Variants in RPGRIP1 observed in about 807,000 individuals in gnomAD.
RPGRIP1 encodes X-linked retinitis pigmentosa GTPase regulator-interacting protein 1.
Under a neutral mutation model 157.9 loss-of-function variants are expected in RPGRIP1, and 128 were observed. The observed-to-expected ratio is 0.81, with a 90% CI of 0.70 to 0.94. The LOEUF is 0.94. Ranked by LOEUF, RPGRIP1 falls within the 40% of genes least tolerant of loss-of-function variation. The probability of loss-of-function intolerance (pLI) is 0.00; values close to 1 mark genes in which losing one functional copy is unlikely to be tolerated. For synonymous variants in RPGRIP1, 554 were observed against 571.6 expected, an observed-to-expected ratio of 0.97 and a Z score of 0.44; for missense variants, 1,486 against 1,545.8, an observed-to-expected ratio of 0.96 and a Z score of 0.65.
chr14:21,287,341 C>G (rs955228848), intron 1 of RPGRIP1, among the ~76,000 whole-genome samples: 2 of 152,156 alleles, frequency 1.3e-5, no homozygotes, highest in Non-Finnish European at 2.9e-5. Flanking sequence ...TGAGGCAACT[C>G]TATAGACAGG....
At chr14:21,317,925 A>G (rs1881940660) in intron 11 of RPGRIP1, 75 bp downstream of exon 11, 2 of 1,310,868 alleles carry the variant, frequency 1.5e-6, no homozygotes, top group Admixed American at 4.4e-5. Flanking sequence ...AACTTGAGCC[A>G]TCATTTCTTT....
Position 21,325,828 on chromosome 14 carries a change from C to T in RPGRIP1, c.2368-3C>T, listed in dbSNP as rs763368258. ...CCTCAATCCATGACCAACATCTTTCCAGTTCAGATCGGAGTCTTGGGAACC... is the reference window on the plus strand; with the variant it reads ...CCTCAATCCATGACCAACATCTTTCTAGTTCAGATCGGAGTCTTGGGAACC... On this transcript the variant is annotated splice_polypyrimidine_tract_variant and splice_region_variant and intron_variant, in intron 16 of 24. Transcript: ENST00000400017. The T allele has an allele frequency of 1.2e-6, 2 of 1,607,184 alleles. No individual in the cohort carries two copies. Among genetic ancestry groups the T allele is most frequent in the Admixed American group, 1.7e-5 (1 of 59,828 alleles).
intron 17 of RPGRIP1, among the ~76,000 whole-genome samples, chr14:21,326,454 C>T (rs1428133091): frequency 6.6e-6 from 1 of 152,080 alleles, no homozygotes; most frequent in African/African-American, 2.4e-5. Flanking sequence ...GAATAAACTT[C>T]TTTGTTTTTT....
intron 24 of RPGRIP1, among the ~76,000 whole-genome samples, chr14:21,349,554 C>T (rs148984797): frequency 0.014 from 2,114 of 151,910 alleles, 51 homozygotes; most frequent in African/African-American, 0.048. Flanking sequence ...AGGCATGAAC[C>T]ACCACGCCCA....
chr14:21,343,069 C>T lies in RPGRIP1; in HGVS notation c.3373C>T (p.Leu1125=). 2 of 1,613,152 alleles carry T rather than the reference C, an allele frequency of 1.2e-6. No individual in the cohort carries two copies. ...GAAGATGTGCATTGAAATTGTCTCC[C>T]TGGCCTTCTACCCAGAGGCAGAAGT... The part of the protein sequence containing the change: ...SEKMCIEIVS[L]AFYPEAEVMS... Residue 1125 remains leucine (L), a synonymous_variant, in exon 22 of 25, where the codon CTG becomes TTG. Transcript: ENST00000400017.
At chr14:21,327,932 G>A in intron 18 of RPGRIP1, 125 bp downstream of exon 18, 1 of 677,166 alleles carries the variant, frequency 1.5e-6, no homozygotes, top group Admixed American at 3.6e-5. Context: ...ACTTTGGGAG[G>A]CCATGGCAGG....
Position 21,330,479 on chromosome 14 carries a change from C to T in RPGRIP1, c.3238+92C>T, listed in dbSNP as rs533835866. 16 of 899,754 alleles carry T rather than the reference C, an allele frequency of 1.8e-5. No individual in the cohort carries two copies. In the South Asian group the frequency reaches 3.4e-4, roughly 19 times the overall value. 55.7% of individuals were successfully genotyped at this position (899,754 alleles called of 1,614,324 possible). On this transcript the variant is annotated intron_variant, in intron 20 of 24. Transcript: ENST00000400017. ...ATCAGGCTTTCAAGAGCAGCCTGGC[C>T]AACATGATGAAACCCGTCTCTACTA...
chr14:21,317,177 A>G (rs916965879), intron 10 of RPGRIP1, among the ~76,000 whole-genome samples: 4 of 152,140 alleles, frequency 2.6e-5, no homozygotes, highest in Admixed American at 2.6e-4. Context: ...TATACTCAAA[A>G]TGGGTCTGCT....
At chr14:21,349,854 T>C (rs951120666) in intron 24 of RPGRIP1, among the ~76,000 whole-genome samples, 2 of 152,198 alleles carry the variant, frequency 1.3e-5, no homozygotes, top group African/African-American at 4.8e-5. Flanking sequence ...ACATTTGTAT[T>C]TGAGTACCTT....
intron 3 of RPGRIP1, 131 bp downstream of exon 3, chr14:21,294,940 T>C (rs768072319): frequency 1.4e-5 from 9 of 651,168 alleles, no homozygotes; most frequent in Non-Finnish European, 4.5e-6. Context: ...CGCCTCCAGA[T>C]TCAAGCAATT....
chr14:21,297,081 TTTTTG>T (rs567474280), intron 3 of RPGRIP1, among the ~76,000 whole-genome samples: 202 of 152,132 alleles, frequency 1.3e-3, no homozygotes, highest in African/African-American at 4.4e-3. Context: ...GTGGAATCTC[TTTTTG>T]TTTTGTTTTG....
chr14:21,312,031 T>A, intron 9 of RPGRIP1, 61 bp downstream of exon 9: 1 of 1,456,800 alleles, frequency 6.9e-7, no homozygotes, highest in Non-Finnish European at 9.5e-7. Context: ...TTAGAATGTG[T>A]ATCTTAGCAA....
Position 21,301,162 on chromosome 14 carries a change from G to A in RPGRIP1, c.415G>A (p.Ala139Thr), listed in dbSNP as rs763210717. ...CGTCGGCCCTGCCAGCCCCCGCCGC[G>A]CCCAGCCTCGCGTCCAAGTGGGACA... ...HCVGPASPRR[A>T]QPRVQVGHRQ... The change falls in exon 4 of 25, where the codon GCC (alanine) becomes ACC (threonine). Residue 139 changes from alanine to threonine, a missense_variant. Physicochemically the swap from Ala to Thr is moderately conservative, Grantham distance 58 (BLOSUM62 0). Coordinates refer to ENST00000400017, the MANE Select transcript of RPGRIP1 (RefSeq NM_020366.4). The A allele has an allele frequency of 6.3e-6, 10 of 1,593,682 alleles. No individual in the cohort carries two copies. In the South Asian group the frequency reaches 9.0e-5, roughly 14 times the overall value.
At chr14:21,317,995 G>A in intron 11 of RPGRIP1, 145 bp downstream of exon 11, 2 of 713,358 alleles carry the variant, frequency 2.8e-6, no homozygotes, top group Non-Finnish European at 5.0e-6. Context: ...GAGAACACTA[G>A]CAATAGATCA....
intron 5 of RPGRIP1, 49 bp downstream of exon 5, chr14:21,302,633 A>G: frequency 8.7e-7 from 1 of 1,145,956 alleles, no homozygotes; most frequent in Admixed American, 2.0e-5. Flanking sequence ...CACTTTAATT[A>G]GAAAGACATC....
intron 2 of RPGRIP1, among the ~76,000 whole-genome samples, chr14:21,294,389 C>T (rs527959371): frequency 7.9e-5 from 12 of 151,908 alleles, no homozygotes; most frequent in Non-Finnish European, 1.8e-4. Flanking sequence ...TGCCACCACG[C>T]CCAGCTAATT....
chr14:21,303,277 AC>A, intron 5 of RPGRIP1, 53 bp from the exon 6 acceptor site: 1 of 1,308,078 alleles, frequency 7.6e-7, no homozygotes, highest in Non-Finnish European at 1.1e-6. Context: ...ATGTGTAAGA[AC>A]CCAATTCTAA....
At chr14:21,313,319 T>C (rs61977483) in intron 10 of RPGRIP1, among the ~76,000 whole-genome samples, 4 of 145,664 alleles carry the variant, frequency 2.7e-5, no homozygotes, top group Non-Finnish European at 6.0e-5. Flanking sequence ...CTGGGCAATA[T>C]AGTGAGACCC....
chr14:21,289,796 T>C (rs1880448574), intron 2 of RPGRIP1, among the ~76,000 whole-genome samples: 1 of 151,762 alleles, frequency 6.6e-6, no homozygotes, highest in African/African-American at 2.4e-5. Context: ...TGGTCGGGAG[T>C]TAAAAATTTG....
Sources: allele counts gnomAD v4.1 joint callset (sites outside exome capture counted in the v4.1 genomes callset), GRCh38; gene constraint gnomAD v4.1.1; transcripts MANE v1.5; gene names NCBI Gene and HGNC (gene_info 2026-07-23, HGNC 2026-07-21).